The following MARCHF11 variants were observed in gnomAD, a reference collection of about 807,000 sequenced individuals.
MARCHF11 encodes the protein membrane associated ring-CH-type finger 11.
In MARCHF11, 29 loss-of-function variants were observed where a neutral mutation model predicts 37.3. The ratio of observed to expected loss-of-function variants is 0.78; its 90% CI spans 0.58 to 1.06. The LOEUF is 1.06. Among genes scored for constraint, MARCHF11 ranks in the 50% least tolerant of loss-of-function variants. MARCHF11 has a pLI of 0.00. For missense variants in MARCHF11, 482 were observed against 533.4 expected, an observed-to-expected ratio of 0.90 and a Z score of 0.95; for synonymous variants, 233 against 228.0, an observed-to-expected ratio of 1.02 and a Z score of -0.20.
At chr5:16,175,402 T>C (rs1738339308) in intron 2 of MARCHF11, among the ~76,000 whole-genome samples, 1 of 152,144 alleles carries the variant, frequency 6.6e-6, no homozygotes, top group Non-Finnish European at 1.5e-5. Flanking sequence ...TCCAGAAACA[T>C]GAAGGTGGCT....
chr5:16,086,234 G>A (rs951760110), intron 3 of MARCHF11, among the ~76,000 whole-genome samples: 20 of 152,002 alleles, frequency 1.3e-4, no homozygotes, highest in Admixed American at 5.2e-4. Flanking sequence ...AATAAAATGC[G>A]GAAGTATCCA....
intron 2 of MARCHF11, among the ~76,000 whole-genome samples, chr5:16,153,844 T>C (rs989301949): frequency 1.1e-4 from 17 of 151,982 alleles, no homozygotes; most frequent in African/African-American, 3.1e-4. Context: ...TGAAGTGCTG[T>C]CTGCAACTTC....
chr5:16,127,227 G>A (rs1737424937), intron 2 of MARCHF11, among the ~76,000 whole-genome samples: 1 of 152,154 alleles, frequency 6.6e-6, no homozygotes, highest in Non-Finnish European at 1.5e-5. Flanking sequence ...AACAGGGACT[G>A]CCAATGCTCA....
intron 2 of MARCHF11, among the ~76,000 whole-genome samples, chr5:16,133,648 TGC>T (rs1737557527): frequency 7.0e-6 from 1 of 143,664 alleles, no homozygotes; most frequent in Non-Finnish European, 1.5e-5. Flanking sequence ...CACATACACA[TGC>T]ACACACACAC....
intron 2 of MARCHF11, among the ~76,000 whole-genome samples, chr5:16,091,827 A>G (rs13186064): frequency 0.011 from 1,661 of 152,336 alleles, 15 homozygotes; most frequent in Non-Finnish European, 0.015. Context: ...TTACAGTACA[A>G]ATGATCAAAA....
chr5:16,069,280 A>C (rs1413644885), intron 3 of MARCHF11, among the ~76,000 whole-genome samples: 1 of 152,198 alleles, frequency 6.6e-6, no homozygotes, highest in East Asian at 1.9e-4. Context: ...ATTTTAATAA[A>C]GACACACACA....
chr5:16,067,463 T>C lies in MARCHF11; in HGVS notation c.*8A>G, dbSNP rs183866630. 886 of 1,611,124 alleles carry C rather than the reference T, an allele frequency of 5.5e-4. 9 individuals carry two copies. The South Asian group carries it at 8.7e-3, about 16-fold the overall frequency. On this transcript the variant is annotated 3_prime_UTR_variant, in exon 4 of 4. Coordinates refer to ENST00000332432, the MANE Select transcript of MARCHF11 (RefSeq NM_001102562.3). ...GGGTGGTCCACACTGCATCATCTTA[T>C]GCTTTTGTCACACTGAAGTCACTCT...
Position 16,129,233 on chromosome 5 carries a change from CT to C in MARCHF11, c.694-38153del, listed in dbSNP as rs1737472841. The C allele has an allele frequency of 2.0e-5, 3 of 152,292 alleles. No homozygotes were observed. The South Asian group carries it at 6.2e-4, about 32-fold the overall frequency. The allele number at this position is 152,292 out of a possible 1,614,324, so 9.4% of individuals were successfully genotyped here. A position where few individuals can be genotyped will look rare whatever the true frequency, so the allele number is the denominator to read the frequency against. On this transcript the variant is annotated intron_variant, in intron 2 of 3. Coordinates refer to ENST00000332432, the MANE Select transcript of MARCHF11 (RefSeq NM_001102562.3). ...TCTTGGCACAATATTGCTTTCATCT[CT>C]GGAGTCGGGTGTCTTACAAATTTAA...
At chr5:16,122,389 T>C (rs907721343) in intron 2 of MARCHF11, among the ~76,000 whole-genome samples, 2 of 152,148 alleles carry the variant, frequency 1.3e-5, no homozygotes, top group African/African-American at 4.8e-5. Flanking sequence ...AGTATCCTCC[T>C]TTGGTCAGCA....
At chr5:16,111,019 G>T (rs1737128459) in intron 2 of MARCHF11, among the ~76,000 whole-genome samples, 1 of 152,306 alleles carries the variant, frequency 6.6e-6, no homozygotes. Flanking sequence ...TCTCTTGCCT[G>T]CTGCCAACAT....
At chr5:16,166,321 A>G (rs751807848) in intron 2 of MARCHF11, among the ~76,000 whole-genome samples, 3 of 152,066 alleles carry the variant, frequency 2.0e-5, no homozygotes, top group Non-Finnish European at 4.4e-5. Context: ...CTCAGGTGCC[A>G]CTAATACTGA....
Position 16,091,003 on chromosome 5 carries a change from T to G in MARCHF11, c.772A>C (p.Ser258Arg). Residue 258 changes from serine to arginine, a missense_variant, in exon 3 of 4, where the codon AGT becomes CGT. By Grantham distance (110) the Ser-to-Arg change is moderately radical. Transcript: ENST00000332432. ...GCTGACCAGAGGAGCCAAGTCACAC[T>G]GGCTATTAAGAACAGGGATCCTAGG... ...VILGSLFLIASVTWLLWSAFS... is the reference protein window; with the variant it reads ...VILGSLFLIARVTWLLWSAFS... 1 of 1,612,270 alleles carries G rather than the reference T, an allele frequency of 6.2e-7. No homozygotes were observed. The highest frequency in any genetic ancestry group is 1.3e-5 in the African/African-American group (1 of 74,762).
intron 3 of MARCHF11, among the ~76,000 whole-genome samples, chr5:16,079,283 C>G (rs1222502043): frequency 6.6e-6 from 1 of 152,228 alleles, no homozygotes; most frequent in East Asian, 1.9e-4. Context: ...CACCCACCTT[C>G]TTAATCTCAA....
chr5:16,134,998 T>TCTCTCACA (rs137865822), intron 2 of MARCHF11, among the ~76,000 whole-genome samples: 2,833 of 143,748 alleles, frequency 0.02, 38 homozygotes, highest in East Asian at 0.058. Flanking sequence ...TCTCTCTCTC[T>TCTCTCACA]CACACACACA....
chr5:16,109,330 C>T (rs922027927), intron 2 of MARCHF11, among the ~76,000 whole-genome samples: 1 of 152,138 alleles, frequency 6.6e-6, no homozygotes, highest in African/African-American at 2.4e-5. Context: ...TTCCTGAACT[C>T]CAGGGAGAAA....
At chr5:16,167,105 T>C (rs1457059882) in intron 2 of MARCHF11, among the ~76,000 whole-genome samples, 2 of 150,478 alleles carry the variant, frequency 1.3e-5, no homozygotes, top group South Asian at 2.1e-4. Flanking sequence ...CATCATGAAA[T>C]TGAAAAATTA....
At chr5:16,094,558 C>T (rs777612965) in intron 2 of MARCHF11, among the ~76,000 whole-genome samples, 10 of 151,954 alleles carry the variant, frequency 6.6e-5, no homozygotes, top group Non-Finnish European at 1.2e-4. Flanking sequence ...TTGCATTTAA[C>T]TTTCTTCCCA....
At chr5:16,178,004 A>T in intron 1 of MARCHF11, 123 bp from the exon 2 acceptor site, 1 of 893,842 alleles carries the variant, frequency 1.1e-6, no homozygotes, top group Non-Finnish European at 1.6e-6. Context: ...CTATCATAGG[A>T]AATGAAATTA....
intron 2 of MARCHF11, among the ~76,000 whole-genome samples, chr5:16,156,170 C>G (rs1473170404): frequency 6.6e-6 from 1 of 151,878 alleles, no homozygotes; most frequent in Non-Finnish European, 1.5e-5. Flanking sequence ...CTTAATAACT[C>G]TATAATTTAA....
Sources: allele counts gnomAD v4.1 joint callset (sites outside exome capture counted in the v4.1 genomes callset), GRCh38; gene constraint gnomAD v4.1.1; transcripts MANE v1.5; gene names NCBI Gene and HGNC (gene_info 2026-07-23, HGNC 2026-07-21).